Variants in IMMP2L observed in about 807,000 individuals in gnomAD.
IMMP2L encodes inner mitochondrial membrane peptidase subunit 2.
IMMP2L carries 18 observed loss-of-function variants against 19.3 expected under a neutral mutation model. That is an observed-to-expected ratio of 0.93 (90% CI 0.64 to 1.38). The LOEUF is 1.38. Among genes scored for constraint, IMMP2L ranks in the 40% most tolerant of loss-of-function variants. The probability of loss-of-function intolerance (pLI) is 0.00; values close to 1 mark genes in which losing one functional copy is unlikely to be tolerated. For missense variants in IMMP2L, 233 were observed against 218.2 expected (o/e 1.07, Z -0.43); for synonymous variants, 76 against 73.0 (o/e 1.04, Z -0.21).
chr7:111,011,527 G>T (rs1476568218), intron 3 of IMMP2L, among the ~76,000 whole-genome samples: 2 of 152,248 alleles, frequency 1.3e-5, no homozygotes, highest in East Asian at 1.9e-4. Context: ...GAAGTCTAAG[G>T]GGGAGGGAGG....
intron 5 of IMMP2L, among the ~76,000 whole-genome samples, chr7:110,884,200 G>C (rs1809980226): frequency 6.6e-6 from 1 of 151,956 alleles, no homozygotes; most frequent in African/African-American, 2.4e-5. Context: ...GTTATTTTGT[G>C]TGCTGGTGAA....
chr7:111,530,370 A>C (rs959230275), intron 1 of IMMP2L, among the ~76,000 whole-genome samples: 1 of 152,206 alleles, frequency 6.6e-6, no homozygotes, highest in Non-Finnish European at 1.5e-5. Flanking sequence ...AAGGATGTCC[A>C]TTACAGACAA....
chr7:111,417,641 G>A (rs1835082020), intron 3 of IMMP2L, among the ~76,000 whole-genome samples: 1 of 151,728 alleles, frequency 6.6e-6, no homozygotes, highest in Non-Finnish European at 1.5e-5. Context: ...GTGGCAAATG[G>A]GAGAGAAGCA....
intron 5 of IMMP2L, among the ~76,000 whole-genome samples, chr7:110,827,025 G>T (rs1393121447): frequency 1.3e-5 from 2 of 152,058 alleles, no homozygotes; most frequent in Non-Finnish European, 2.9e-5. Context: ...GACACCAGGA[G>T]TTGTCCCACC....
chr7:111,150,790 T>C (rs1030766329), intron 3 of IMMP2L, among the ~76,000 whole-genome samples: 1 of 152,226 alleles, frequency 6.6e-6, no homozygotes, highest in Non-Finnish European at 1.5e-5. Flanking sequence ...GAAATAAGCA[T>C]GCCCTACTAA....
chr7:111,174,652 T>C (rs1291002346), intron 3 of IMMP2L, among the ~76,000 whole-genome samples: 1 of 151,908 alleles, frequency 6.6e-6, no homozygotes, highest in East Asian at 1.9e-4. Flanking sequence ...CAGCCTTCTA[T>C]TGACTCTAGT....
intron 3 of IMMP2L, among the ~76,000 whole-genome samples, chr7:111,449,381 C>T (rs1310694541): frequency 1.1e-5 from 1 of 90,412 alleles, no homozygotes; most frequent in Non-Finnish European, 2.2e-5. Context: ...GGGCTTCATC[C>T]CTGGGATGCA....
At chr7:110,754,745 A>G (rs1472662028) in intron 5 of IMMP2L, among the ~76,000 whole-genome samples, 2 of 152,190 alleles carry the variant, frequency 1.3e-5, no homozygotes, top group East Asian at 3.9e-4. Context: ...TATATTTGCC[A>G]TAAGAGCCTT....
chr7:111,541,017 C>T (rs1848464951), intron 1 of IMMP2L, among the ~76,000 whole-genome samples: 1 of 152,088 alleles, frequency 6.6e-6, no homozygotes, highest in African/African-American at 2.4e-5. Flanking sequence ...GTTTTCTGTT[C>T]CTGCTATGCT....
chr7:110,726,992 C>T (rs4730452), intron 5 of IMMP2L, among the ~76,000 whole-genome samples: 115,236 of 152,150 alleles, frequency 0.76, 43,767 homozygotes, highest in East Asian at 0.82. Context: ...ACAGGAGGGA[C>T]CATTGGCTTT....
intron 4 of IMMP2L, among the ~76,000 whole-genome samples, chr7:110,920,747 C>A (rs139808570): frequency 6.6e-6 from 1 of 152,158 alleles, no homozygotes; most frequent in Non-Finnish European, 1.5e-5. Context: ...ATTCATACTA[C>A]TTCTTTGCCC....
intron 5 of IMMP2L, among the ~76,000 whole-genome samples, chr7:110,825,033 T>C (rs1803346058): frequency 6.6e-6 from 1 of 152,086 alleles, no homozygotes; most frequent in African/African-American, 2.4e-5. Flanking sequence ...ACAAGCACTC[T>C]TATACACCAG....
At chr7:110,702,193 C>T (rs952113919) in intron 5 of IMMP2L, among the ~76,000 whole-genome samples, 1 of 152,052 alleles carries the variant, frequency 6.6e-6, no homozygotes, top group Non-Finnish European at 1.5e-5. Flanking sequence ...CTTAGGCCTC[C>T]CAAAGTGCTG....
chr7:111,499,664 C>G (rs774621219), intron 2 of IMMP2L, among the ~76,000 whole-genome samples: 1 of 152,162 alleles, frequency 6.6e-6, no homozygotes, highest in African/African-American at 2.4e-5. Flanking sequence ...AGCTTAAAAT[C>G]CAGCAGCATG....
At chr7:110,842,142 T>C (rs1276503577) in intron 5 of IMMP2L, among the ~76,000 whole-genome samples, 2 of 152,214 alleles carry the variant, frequency 1.3e-5, no homozygotes, top group African/African-American at 2.4e-5. Flanking sequence ...ATGGACTCAG[T>C]AGCTTCTCCA....
intron 3 of IMMP2L, among the ~76,000 whole-genome samples, chr7:111,266,853 A>G (rs1454150191): frequency 1.3e-5 from 2 of 152,204 alleles, no homozygotes; most frequent in African/African-American, 4.8e-5. Flanking sequence ...TTCCATTTAA[A>G]GGAATGTTTA....
intron 3 of IMMP2L, among the ~76,000 whole-genome samples, chr7:111,463,176 C>CGTGT (rs200916257): frequency 3.1e-4 from 46 of 149,580 alleles, no homozygotes; most frequent in African/African-American, 7.8e-4. Flanking sequence ...CATCATCTTC[C>CGTGT]GTGTGTGTGT....
intron 1 of IMMP2L, among the ~76,000 whole-genome samples, chr7:111,530,505 C>G (rs1274526217): frequency 6.6e-6 from 1 of 151,982 alleles, no homozygotes; most frequent in African/African-American, 2.4e-5. Flanking sequence ...CTGATATTAA[C>G]CAGTTAACAA....
intron 3 of IMMP2L, among the ~76,000 whole-genome samples, chr7:111,016,866 A>T: frequency 1.1e-5 from 1 of 87,190 alleles, no homozygotes; most frequent in South Asian, 3.0e-4. Flanking sequence ...TATATAATAT[A>T]TTACATATAA....
Sources: gnomAD v4.1 joint callset for allele counts (sites outside exome capture counted in the v4.1 genomes callset) on GRCh38, gnomAD v4.1.1 for gene constraint, MANE v1.5 for transcripts, NCBI Gene and HGNC (gene_info 2026-07-23, HGNC 2026-07-21) for gene names.